Variants in ANKDD1A observed in about 807,000 individuals in gnomAD.
ANKDD1A encodes the protein ankyrin repeat and death domain-containing protein 1A.
In ANKDD1A, 59 loss-of-function variants were observed where a neutral mutation model predicts 63.5. That is an observed-to-expected ratio of 0.93 (90% confidence interval 0.75 to 1.15). ANKDD1A has a LOEUF of 1.15. Ranked by LOEUF, ANKDD1A falls within the 50% of genes most tolerant of loss-of-function variation. ANKDD1A has a pLI of 0.00. For missense variants in ANKDD1A, 632 were observed against 656.4 expected, an observed-to-expected ratio of 0.96 and a Z score of 0.41; for synonymous variants, 266 against 263.9, an observed-to-expected ratio of 1.01 and a Z score of -0.08.
intron 14 of ANKDD1A, chr15:64,950,384 A>C (rs2085260047): frequency 1.0e-6 from 1 of 985,364 alleles, no homozygotes; most frequent in Non-Finnish European, 1.2e-6. Flanking sequence ...AATCTGGTCA[A>C]ATAAACCTTC....
At chr15:64,953,132 CCTT>C (rs1411583424) in intron 14 of ANKDD1A, among the ~76,000 whole-genome samples, 3 of 116,250 alleles carry the variant, frequency 2.6e-5, no homozygotes, top group Non-Finnish European at 3.6e-5. Flanking sequence ...CTTTCTTCTT[CCTT>C]TTTTCTTCCT....
intron 5 of ANKDD1A, 76 bp downstream of exon 5, chr15:64,926,246 AC>A: frequency 7.2e-7 from 1 of 1,392,338 alleles, no homozygotes; most frequent in Non-Finnish European, 1.0e-6. Context: ...CACTGGGCTT[AC>A]CACATTCCTT....
intron 14 of ANKDD1A, among the ~76,000 whole-genome samples, chr15:64,954,503 CCT>C (rs2085388272): frequency 7.5e-6 from 1 of 133,762 alleles, no homozygotes; most frequent in Admixed American, 7.9e-5. Flanking sequence ...CCTTCTTCTT[CCT>C]TCTTCTCCTC....
chr15:64,952,639 T>TCTTCTCCTTCTTTCTTCTTC (rs1566916869), intron 14 of ANKDD1A, among the ~76,000 whole-genome samples: 1 of 8,580 alleles, frequency 1.2e-4, no homozygotes, highest in Non-Finnish European at 7.4e-4. Flanking sequence ...TTTTCTTTCT[T>TCTTCTCCTTCTTTCTTCTTC]CTTCTCCTTC....
At chr15:64,916,337 T>C (rs571631475) in intron 2 of ANKDD1A, among the ~76,000 whole-genome samples, 5 of 151,302 alleles carry the variant, frequency 3.3e-5, no homozygotes, top group African/African-American at 2.4e-5. Context: ...TTTCTTTTTT[T>C]TTTTTTTTGA....
chr15:64,953,839 T>TTTTCTTCTTTCC (rs1369275992), intron 14 of ANKDD1A, among the ~76,000 whole-genome samples: 8 of 11,660 alleles, frequency 6.9e-4, no homozygotes, highest in African/African-American at 8.2e-4. Flanking sequence ...TTCTTTCCTC[T>TTTTCTTCTTTCC]TCTTTTCTTC....
intron 1 of ANKDD1A, among the ~76,000 whole-genome samples, chr15:64,913,697 C>T (rs550175403): frequency 6.6e-6 from 1 of 152,302 alleles, no homozygotes; most frequent in Admixed American, 6.5e-5. Flanking sequence ...TGGAATTTAT[C>T]TAGAAAAACA....
intron 4 of ANKDD1A, among the ~76,000 whole-genome samples, chr15:64,925,227 CAAAAA>C (rs769786433): frequency 2.3e-5 from 1 of 42,596 alleles, no homozygotes. Context: ...GACTCCGACT[CAAAAA>C]AAAAAAAAAA....
rs748745365 is a variant in ANKDD1A at position 64,949,811 on chromosome 15, CCTCT to C, written c.1352-22_1352-19del. ...CAAGTGGCCCCATTGGCTCCTTCTC[CCTCT>C]CTCTCTCCTCCCTCACTGTTCTCAG... On this transcript the variant is annotated intron_variant, in intron 13 of 14. Transcript: ENST00000319580. The C allele has an allele frequency of 6.7e-5, 107 of 1,594,340 alleles. No homozygotes were observed. In the African/African-American group the frequency reaches 1.2e-3, roughly 17 times the overall value.
rs911506442 is a variant in ANKDD1A, at chr15:64,948,751, G to A, written c.1352-1090G>A. On this transcript the variant is annotated intron_variant, in intron 13 of 14. Coordinates refer to ENST00000319580, the MANE Select transcript of ANKDD1A (RefSeq NM_182703.6). Reference sequence around the variant, plus strand: ...TGAGGTTTAAGAATCGCTTGAACCCGGGACACAGAGTTTGCAGTGAGCCGA... The same window carrying A: ...TGAGGTTTAAGAATCGCTTGAACCCAGGACACAGAGTTTGCAGTGAGCCGA... Among the ~76,000 whole-genome samples the A allele has an allele frequency of 7.3e-5, 11 of 151,544 alleles. No individual in the cohort carries two copies. In the East Asian group the frequency reaches 9.7e-4, roughly 13 times the overall value.
chr15:64,912,627 G>A (rs2084940094), intron 1 of ANKDD1A, among the ~76,000 whole-genome samples: 1 of 152,256 alleles, frequency 6.6e-6, no homozygotes, highest in South Asian at 2.1e-4. Context: ...AGCTTTGGCT[G>A]CACCGTCTGG....
intron 4 of ANKDD1A, 140 bp from the exon 5 acceptor site, chr15:64,925,926 G>A (rs574424246): frequency 6.9e-6 from 5 of 720,166 alleles, no homozygotes; most frequent in East Asian, 6.0e-5. Flanking sequence ...TTATCCCTCG[G>A]GTCCATTCAT....
chr15:64,915,512 G>A (rs1048740950), intron 1 of ANKDD1A, among the ~76,000 whole-genome samples: 1 of 152,120 alleles, frequency 6.6e-6, no homozygotes, highest in Non-Finnish European at 1.5e-5. Context: ...TGGATAATGG[G>A]GCACACATTT....
intron 13 of ANKDD1A, 55 bp downstream of exon 13, chr15:64,947,648 C>G: frequency 6.4e-7 from 1 of 1,570,544 alleles, no homozygotes; most frequent in Non-Finnish European, 8.6e-7. Flanking sequence ...GGGTGGGACA[C>G]CTGAAATGTG....
intron 1 of ANKDD1A, among the ~76,000 whole-genome samples, chr15:64,914,610 TG>T (rs2084956153): frequency 6.6e-6 from 1 of 152,216 alleles, no homozygotes; most frequent in Non-Finnish European, 1.5e-5. Flanking sequence ...CAGAGTTTTG[TG>T]GGTTCCTCCT....
intron 9 of ANKDD1A, among the ~76,000 whole-genome samples, chr15:64,935,774 G>A (rs1018127567): frequency 5.3e-5 from 8 of 151,960 alleles, no homozygotes; most frequent in African/African-American, 1.4e-4. Flanking sequence ...AACCCAGGAG[G>A]CAGAAGTTGC....
Position 64,934,195 on chromosome 15 carries a change from C to A in ANKDD1A, c.828C>A (p.Val276=). 1 of 1,612,450 alleles carries A rather than the reference C, an allele frequency of 6.2e-7. No individual in the cohort carries two copies. Among genetic ancestry groups the A allele is most frequent in the South Asian group, 1.1e-5 (1 of 90,500 alleles). ...ALSGSEDVSR[V]LIHAGGCANV... is the part of the protein sequence containing the mutation. The stretch of plus-strand genomic sequence containing the variant: ...GTGGCTCGGAGGATGTGTCTCGGGT[C>A]CTCATCCACGCAGGAGGCTGCGCCA... Residue 276 remains valine, a synonymous_variant, in exon 9 of 15, where the codon GTC becomes GTA. Coordinates refer to ENST00000319580, the MANE Select transcript of ANKDD1A (RefSeq NM_182703.6).
Position 64,924,614 on chromosome 15 carries a change from T to C in ANKDD1A, c.367-1452T>C, listed in dbSNP as rs145838326. Among the ~76,000 whole-genome samples, 10 of 152,376 alleles carry C rather than the reference T, an allele frequency of 6.6e-5. No homozygotes were observed. In the East Asian group the frequency reaches 1.9e-3, roughly 29 times the overall value. On this transcript the variant is annotated intron_variant, in intron 4 of 14. Transcript: ENST00000319580. ...GCTCTACCTTGCCAGGCATTGGTGA[T>C]ATTTACAGTTTTACTAAACTATAGA...
intron 14 of ANKDD1A, among the ~76,000 whole-genome samples, chr15:64,951,653 TTCTA>T (rs1338951546): frequency 3.2e-4 from 44 of 138,172 alleles, no homozygotes; most frequent in African/African-American, 9.7e-4. Flanking sequence ...TCTTCTTTCC[TTCTA>T]TCTTCTTTTT....
Sources: allele counts gnomAD v4.1 joint callset (sites outside exome capture counted in the v4.1 genomes callset), GRCh38; gene constraint gnomAD v4.1.1; transcripts MANE v1.5; gene names NCBI Gene and HGNC (gene_info 2026-07-23, HGNC 2026-07-21).